ITGAV: variants seen among roughly 807,000 people sequenced by gnomAD.
The protein encoded by ITGAV is integrin subunit alpha V.
Under a neutral mutation model 143.8 loss-of-function variants are expected in ITGAV, and 76 were observed. That is an observed-to-expected ratio of 0.53 (90% CI 0.44 to 0.64). The LOEUF (loss-of-function observed/expected upper bound fraction) is 0.64, where lower values mean the gene tolerates loss of function less well. Among genes scored for constraint, ITGAV ranks in the 30% least tolerant of loss-of-function variants. The probability of loss-of-function intolerance (pLI) is 0.00; values close to 1 mark genes in which losing one functional copy is unlikely to be tolerated. For synonymous variants in ITGAV, 453 were observed against 446.7 expected, an observed-to-expected ratio of 1.01 and a Z score of -0.18; for missense variants, 1,193 against 1,274.7, an observed-to-expected ratio of 0.94 and a Z score of 0.98.
rs1688103748 is a variant in ITGAV, at chr2:186,641,534, C to T, written c.1105C>T (p.Arg369Trp). The T allele has an allele frequency of 6.2e-6, 10 of 1,614,098 alleles. No homozygotes were observed. The highest frequency in any genetic ancestry group is 7.6e-6 in the Non-Finnish European group (9 of 1,180,010). ...TKLNGFEVFA[R>W]FGSAIAPLGD... is the part of the protein sequence containing the mutation. The stretch of plus-strand genomic sequence containing the variant: ...GCTGAATGGATTTGAGGTCTTTGCA[C>T]GGTTTGGCAGTGCCATAGCTCCTTT... Residue 369 changes from arginine to tryptophan, a missense_variant, in exon 12 of 30, where the codon CGG becomes TGG. By Grantham distance (101) the Arg-to-Trp change is moderately radical (BLOSUM62 -3). Coordinates refer to ENST00000261023, the MANE Select transcript of ITGAV (RefSeq NM_002210.5).
chr2:186,640,947 C>A lies in ITGAV; in HGVS notation c.936C>A (p.Ala312=), dbSNP rs767721724. Residue 312 remains alanine (A), a synonymous_variant, in exon 11 of 30, where the codon GCC becomes GCA. Coordinates refer to ENST00000261023, the MANE Select transcript of ITGAV (RefSeq NM_002210.5). The stretch of plus-strand genomic sequence containing the variant: ...CATATTTCGGATTTTCTGTAGCTGC[C>A]ACTGACATTAATGGAGATGAGTAAG... ...MAAYFGFSVA[A]TDINGDDYAD... 6.3e-7 allele frequency: 1 copy of A among 1,597,042 alleles called. No homozygotes were observed. Among genetic ancestry groups the A allele is most frequent in the Non-Finnish European group, 8.6e-7 (1 of 1,169,266 alleles).
At chr2:186,610,288 C>T (rs902896232) in intron 2 of ITGAV, among the ~76,000 whole-genome samples, 1 of 152,076 alleles carries the variant, frequency 6.6e-6, no homozygotes, top group Non-Finnish European at 1.5e-5. Context: ...AATATTTATG[C>T]TTTAGTGAGC....
intron 16 of ITGAV, among the ~76,000 whole-genome samples, 185 bp from the exon 17 acceptor site, chr2:186,656,059 AATT>A (rs1688573791): frequency 6.6e-6 from 1 of 151,480 alleles, no homozygotes; most frequent in South Asian, 2.1e-4. Flanking sequence ...TTAATTATTT[AATT>A]ATTATTAAAT....
chr2:186,661,607 T>G (rs1688747783), intron 18 of ITGAV, among the ~76,000 whole-genome samples: 1 of 151,242 alleles, frequency 6.6e-6, no homozygotes, highest in African/African-American at 2.4e-5. Context: ...TGTTTTTTTT[T>G]TTTTTTTTGA....
At chr2:186,591,505 C>T (rs1377472575) in intron 1 of ITGAV, among the ~76,000 whole-genome samples, 1 of 152,124 alleles carries the variant, frequency 6.6e-6, no homozygotes, top group South Asian at 2.1e-4. Context: ...AACGCTTAGA[C>T]CTTGTAACAA....
intron 26 of ITGAV, among the ~76,000 whole-genome samples, chr2:186,670,232 T>C (rs1689027437): frequency 6.6e-6 from 1 of 152,228 alleles, no homozygotes; most frequent in African/African-American, 2.4e-5. Context: ...GCAATTGTTT[T>C]TCTTTTTTCT....
chr2:186,593,731 TGAG>T (rs1248900364), intron 1 of ITGAV, among the ~76,000 whole-genome samples: 2 of 152,102 alleles, frequency 1.3e-5, no homozygotes, highest in African/African-American at 4.8e-5. Context: ...TTCTTACAGA[TGAG>T]GAGGAAATGG....
At chr2:186,654,846 A>T in intron 16 of ITGAV, 138 bp downstream of exon 16, 1 of 520,996 alleles carries the variant, frequency 1.9e-6, no homozygotes, top group East Asian at 3.1e-5. Context: ...AAAGACATTT[A>T]AGATTTCAAC....
intron 6 of ITGAV, among the ~76,000 whole-genome samples, chr2:186,635,337 T>C (rs975043403): frequency 1.3e-5 from 2 of 152,160 alleles, no homozygotes; most frequent in Non-Finnish European, 2.9e-5. Context: ...TCAGGAAATG[T>C]TTATTGAATT....
rs1553501199 is a variant in ITGAV at position 186,625,669 on chromosome 2, G to GTGTGTGTGTA, written c.523+91_523+92insATGTGTGTGT. The GTGTGTGTGTA allele has an allele frequency of 3.4e-5, 20 of 593,278 alleles. No individual in the cohort carries two copies. In the African/African-American group the frequency reaches 4.4e-4, roughly 13 times the overall value. 36.8% of individuals were successfully genotyped at this position (593,278 alleles called of 1,614,324 possible). A position where few individuals can be genotyped will look rare whatever the true frequency, so the allele number is the denominator to read the frequency against. On this transcript the variant is annotated intron_variant, in intron 4 of 29. Transcript: ENST00000261023. ...TAAAAATATGTGTGTGTGGGTGTGT[G>GTGTGTGTGTA]TGTGTGTGTGAGAGAGAGAGATATT...
At chr2:186,600,378 T>G in intron 1 of ITGAV, 1 of 1,534,364 alleles carries the variant, frequency 6.5e-7, no homozygotes, top group Non-Finnish European at 8.8e-7. Context: ...ATCTTAATGT[T>G]GTGGTGAGTT....
At chr2:186,606,943 A>G (rs1355669092) in intron 2 of ITGAV, among the ~76,000 whole-genome samples, 5 of 151,974 alleles carry the variant, frequency 3.3e-5, no homozygotes, top group East Asian at 1.9e-4. Flanking sequence ...TTCCCTCCTT[A>G]AAGTTTCTGC....
At chr2:186,634,863 G>A (rs917438849) in intron 6 of ITGAV, among the ~76,000 whole-genome samples, 1 of 152,116 alleles carries the variant, frequency 6.6e-6, no homozygotes, top group Non-Finnish European at 1.5e-5. Context: ...ATTCAGTGGA[G>A]GGGAAGGAAG....
At chr2:186,649,108 T>A (rs532963152) in intron 13 of ITGAV, among the ~76,000 whole-genome samples, 1 of 151,334 alleles carries the variant, frequency 6.6e-6, no homozygotes, top group East Asian at 1.9e-4. Context: ...CTACTGGGAT[T>A]GTATTTTGCT....
At chr2:186,603,754 TTTTG>T (rs1686978474) in intron 2 of ITGAV, among the ~76,000 whole-genome samples, 1 of 152,232 alleles carries the variant, frequency 6.6e-6, no homozygotes, top group Admixed American at 6.5e-5. Context: ...TCAGATAATT[TTTTG>T]TTTATTGAAA....
At chr2:186,651,756 C>T (rs1185059853) in intron 14 of ITGAV, among the ~76,000 whole-genome samples, 2 of 152,090 alleles carry the variant, frequency 1.3e-5, no homozygotes, top group Non-Finnish European at 2.9e-5. Context: ...TGGAACTGAG[C>T]GATTTCCCAG....
chr2:186,668,780 A>G lies in ITGAV; in HGVS notation c.2452A>G (p.Ser818Gly). 6.2e-7 allele frequency: 1 copy of G among 1,613,556 alleles called. No homozygotes were observed. Among genetic ancestry groups the G allele is most frequent in the Non-Finnish European group, 8.5e-7 (1 of 1,179,884 alleles). ...HIYELRNNGP[S>G]SFSKAMLHLQ... ...TCCTTAGCTGAGAAACAATGGTCCA[A>G]GTTCATTCAGCAAGGCAATGCTCCA... Residue 818 changes from serine to glycine, a missense_variant, in exon 25 of 30, where the codon AGT becomes GGT. Coordinates refer to ENST00000261023, the MANE Select transcript of ITGAV (RefSeq NM_002210.5).
At chr2:186,676,577 CTG>C (rs1261409021) in intron 28 of ITGAV, among the ~76,000 whole-genome samples, 1 of 152,020 alleles carries the variant, frequency 6.6e-6, no homozygotes, top group Non-Finnish European at 1.5e-5. Flanking sequence ...GGGCGAGACT[CTG>C]TCAAAAAAAA....
Position 186,636,144 on chromosome 2 carries a change from A to G in ITGAV, c.694A>G (p.Ile232Val), listed in dbSNP as rs1370166490. The change falls in exon 7 of 30, where the codon ATC becomes GTC. Residue 232 changes from isoleucine (I) to valine (V), a missense_variant. Transcript: ENST00000261023. ...TAAATACGACCCCAATGTTTACAGCATCAAGTATAATAACCAATTAGCAAC... is the reference window on the plus strand; with the variant it reads ...TAAATACGACCCCAATGTTTACAGCGTCAAGTATAATAACCAATTAGCAAC... Reference protein sequence around the residue: ...VSKYDPNVYSIKYNNQLATRT... With the variant: ...VSKYDPNVYSVKYNNQLATRT... 3 of 1,613,508 alleles carry G rather than the reference A, an allele frequency of 1.9e-6. No individual in the cohort carries two copies. Among genetic ancestry groups the G allele is most frequent in the Admixed American group, 3.3e-5 (2 of 59,972 alleles).
Sources: gnomAD v4.1 joint callset for allele counts (sites outside exome capture counted in the v4.1 genomes callset) on GRCh38, gnomAD v4.1.1 for gene constraint, MANE v1.5 for transcripts, NCBI Gene and HGNC (gene_info 2026-07-23, HGNC 2026-07-21) for gene names.